Variants in RARB observed in about 807,000 individuals in gnomAD.
RARB encodes HBV-activated protein.
RARB carries 17 observed loss-of-function variants against 51.9 expected under a neutral mutation model. The ratio of observed to expected loss-of-function variants is 0.33; its 90% CI spans 0.22 to 0.49. RARB has a LOEUF of 0.49. Among genes scored for constraint, RARB ranks in the 20% least tolerant of loss-of-function variants. The pLI, the probability that RARB is intolerant of heterozygous loss-of-function variation, is 0.99. For missense variants in RARB, 369 were observed against 550.8 expected, an observed-to-expected ratio of 0.67 and a Z score of 3.30; for synonymous variants, 215 against 195.4, an observed-to-expected ratio of 1.10 and a Z score of -0.84.
At chr3:25,241,471 C>A (rs1167001994) in intron 5 of RARB, among the ~76,000 whole-genome samples, 1 of 152,152 alleles carries the variant, frequency 6.6e-6, no homozygotes, top group Non-Finnish European at 1.5e-5. Flanking sequence ...CCTTCCCTGC[C>A]ACAACCCCCG....
intron 2 of RARB, among the ~76,000 whole-genome samples, chr3:25,035,259 C>G (rs1697964967): frequency 6.6e-6 from 1 of 151,986 alleles, no homozygotes; most frequent in South Asian, 2.1e-4. Context: ...GTAGCTGGGA[C>G]TACAAGCACA....
intron 2 of RARB, among the ~76,000 whole-genome samples, chr3:25,038,175 G>T (rs1575130493): frequency 6.6e-6 from 1 of 151,972 alleles, no homozygotes; most frequent in South Asian, 2.1e-4. Flanking sequence ...TTACATCTCT[G>T]GGCCTCAGTT....
intron 2 of RARB, among the ~76,000 whole-genome samples, chr3:25,492,957 C>T (rs981435716): frequency 3.3e-5 from 5 of 151,652 alleles, no homozygotes; most frequent in Non-Finnish European, 7.4e-5. Context: ...AGCACTGGGA[C>T]CATGTCCTGA....
chr3:25,427,949 A>G (rs1708043871), upstream of RARB, among the ~76,000 whole-genome samples: 1 of 152,192 alleles, frequency 6.6e-6, no homozygotes, highest in Non-Finnish European at 1.5e-5. Context: ...CGCAAATAAA[A>G]AGGCGTAAAG....
chr3:25,550,082 A>G (rs1344834825), intron 3 of RARB, among the ~76,000 whole-genome samples: 1 of 152,210 alleles, frequency 6.6e-6, no homozygotes, highest in African/African-American at 2.4e-5. Context: ...TAAAGAGAGA[A>G]TACTGTCTTA....
At position 25,575,125 on chromosome 3, in the gene RARB, G is replaced by T. The variant is rs76031888; in HGVS notation, c.609+5207G>T. Among the ~76,000 whole-genome samples, 439 of 152,228 alleles carry T rather than the reference G, an allele frequency of 2.9e-3. 2 individuals carry two copies. Among genetic ancestry groups the T allele is most frequent in the African/African-American group, 1.0e-2 (415 of 41,538 alleles). ...ATGCTGGGCTTGGGGATAGTTTCAG[G>T]ATGAAACTCATGAAGGACAACTTAG... is the stretch of plus-strand genomic sequence containing the variant. On this transcript the variant is annotated intron_variant, in intron 4 of 7. Transcript: ENST00000330688.
chr3:25,325,950 G>A (rs1314709898), intron 5 of RARB, among the ~76,000 whole-genome samples: 2 of 152,184 alleles, frequency 1.3e-5, no homozygotes, highest in Non-Finnish European at 2.9e-5. Flanking sequence ...CACCTGTTGA[G>A]ACCATGCAAG....
intron 1 of RARB, chr3:25,458,168 A>G (rs1007942260): frequency 7.2e-5 from 11 of 152,244 alleles, no homozygotes; most frequent in African/African-American, 2.7e-4. Flanking sequence ...TGAAGGAAAT[A>G]AAGATGTGGT....
chr3:25,191,369 A>C (rs1475717202), intron 5 of RARB, among the ~76,000 whole-genome samples: 1 of 152,068 alleles, frequency 6.6e-6, no homozygotes, highest in Non-Finnish European at 1.5e-5. Context: ...AATTTTGTTT[A>C]TTCCACCTTA....
chr3:25,247,271 A>G (rs1169504611), intron 5 of RARB, among the ~76,000 whole-genome samples: 1 of 152,188 alleles, frequency 6.6e-6, no homozygotes, highest in African/African-American at 2.4e-5. Context: ...TGGGACTGGG[A>G]TCCACTGAGC....
Position 25,095,784 on chromosome 3 carries a change from A to G in RARB, c.-328+35608A>G, listed in dbSNP as rs535533846. Among the ~76,000 whole-genome samples, 9 of 152,242 alleles carry G rather than the reference A, an allele frequency of 5.9e-5. No individual in the cohort carries two copies. The East Asian group carries it at 1.7e-3, about 29-fold the overall frequency. On this transcript the variant is annotated intron_variant, in intron 3 of 11. Transcript: ENST00000383772. ...TGGGCCTCTGGAGAAGAATGATAGA[A>G]ATAAGTATTGTCATCTGATTTCACT...
At chr3:24,868,657 TATA>T (rs1457026092) in intron 2 of RARB, among the ~76,000 whole-genome samples, 8 of 152,268 alleles carry the variant, frequency 5.3e-5, no homozygotes, top group African/African-American at 1.7e-4. Flanking sequence ...ACTTTTTAGG[TATA>T]ATAAGAAACA....
At chr3:24,870,303 T>C (rs1702923356) in intron 2 of RARB, among the ~76,000 whole-genome samples, 1 of 152,106 alleles carries the variant, frequency 6.6e-6, no homozygotes, top group Non-Finnish European at 1.5e-5. Context: ...TTCACATAAT[T>C]CATTTGGAAT....
intron 5 of RARB, among the ~76,000 whole-genome samples, chr3:25,401,684 T>C (rs996740395): frequency 2.6e-5 from 4 of 152,286 alleles, no homozygotes; most frequent in Admixed American, 2.6e-4. Context: ...TAGTGAACTG[T>C]AAGATAGGTC....
chr3:25,221,122 A>G (rs1339799796), intron 5 of RARB, among the ~76,000 whole-genome samples: 1 of 149,582 alleles, frequency 6.7e-6, no homozygotes, highest in African/African-American at 2.6e-5. Context: ...CATACAAGAT[A>G]CAGATATAAT....
chr3:25,332,628 A>C (rs6794641), intron 5 of RARB, among the ~76,000 whole-genome samples: 30,437 of 152,050 alleles, frequency 0.2, 3,318 homozygotes, highest in African/African-American at 0.28. Context: ...GACAGGGATG[A>C]CCTCTCTCAC....
chr3:25,173,389 G>A (rs1303749255), intron 4 of RARB, among the ~76,000 whole-genome samples: 1 of 152,152 alleles, frequency 6.6e-6, no homozygotes, highest in African/African-American at 2.4e-5. Flanking sequence ...AGATTTGATT[G>A]GTGAATAGGT....
chr3:24,898,566 G>A (rs1291406286), intron 2 of RARB, among the ~76,000 whole-genome samples: 1 of 152,016 alleles, frequency 6.6e-6, no homozygotes, highest in Non-Finnish European at 1.5e-5. Context: ...ATACTGGAAG[G>A]CACGATGCCC....
chr3:24,855,069 C>T (rs1211319076), intron 1 of RARB, among the ~76,000 whole-genome samples: 1 of 152,246 alleles, frequency 6.6e-6, no homozygotes, highest in Middle Eastern at 3.4e-3. Flanking sequence ...GTATGCTACA[C>T]GTCAGATTTG....
Sources: gnomAD v4.1 joint callset for allele counts (sites outside exome capture counted in the v4.1 genomes callset) on GRCh38, gnomAD v4.1.1 for gene constraint, MANE v1.5 for transcripts, NCBI Gene and HGNC (gene_info 2026-07-23, HGNC 2026-07-21) for gene names.